Variants in PDE11A observed in about 807,000 individuals in gnomAD.
PDE11A encodes the protein dual 3',5'-cyclic-AMP and -GMP phosphodiesterase 11A.
Under a neutral mutation model 100.5 loss-of-function variants are expected in PDE11A, and 100 were observed. The observed-to-expected ratio is 1.00, with a 90% CI of 0.85 to 1.18. The LOEUF is 1.18. Among genes scored for constraint, PDE11A ranks in the 50% most tolerant of loss-of-function variants. The pLI, the probability that PDE11A is intolerant of heterozygous loss-of-function variation, is 0.00. For missense variants in PDE11A, 1,141 were observed against 1,152.6 expected (o/e 0.99, Z 0.15); for synonymous variants, 381 against 420.8 (o/e 0.91, Z 1.16).
chr2:177,686,392 T>A (rs1256886707), intron 15 of PDE11A, among the ~76,000 whole-genome samples: 1 of 152,106 alleles, frequency 6.6e-6, no homozygotes, highest in East Asian at 1.9e-4. Flanking sequence ...CAAAGTGGGA[T>A]TCCGTCTCTA....
intron 12 of PDE11A, among the ~76,000 whole-genome samples, chr2:177,716,872 C>T (rs1324428936): frequency 2.0e-5 from 3 of 152,004 alleles, no homozygotes; most frequent in Non-Finnish European, 4.4e-5. Flanking sequence ...ATCAAAATCC[C>T]CAGCCATTTT....
At chr2:177,751,120 G>T (rs1170572457) in intron 10 of PDE11A, among the ~76,000 whole-genome samples, 3 of 107,954 alleles carry the variant, frequency 2.8e-5, no homozygotes, top group African/African-American at 8.8e-5. Flanking sequence ...TAGAGTCATA[G>T]TGAGTAAGAA....
chr2:177,807,788 A>C (rs1371823041), intron 9 of PDE11A, among the ~76,000 whole-genome samples: 5 of 152,224 alleles, frequency 3.3e-5, no homozygotes, highest in African/African-American at 1.2e-4. Context: ...AGTATACAAG[A>C]ATCCTCAGAA....
chr2:177,715,120 T>C (rs2081417840), intron 12 of PDE11A, among the ~76,000 whole-genome samples: 1 of 152,242 alleles, frequency 6.6e-6, no homozygotes, highest in Admixed American at 6.5e-5. Flanking sequence ...AGTTGGTTGT[T>C]TTCGAGGATT....
At chr2:178,017,896 G>C (rs1371957864) in intron 1 of PDE11A, 1 of 152,566 alleles carries the variant, frequency 6.6e-6, no homozygotes, top group Non-Finnish European at 1.5e-5. Context: ...GGAGGTGGAG[G>C]TTGCAGTGAG....
intron 19 of PDE11A, among the ~76,000 whole-genome samples, chr2:177,643,110 G>A (rs568036917): frequency 2.0e-5 from 3 of 152,212 alleles, no homozygotes; most frequent in East Asian, 3.9e-4. Context: ...GTGTGAAAAC[G>A]GACCAATACA....
intron 10 of PDE11A, among the ~76,000 whole-genome samples, chr2:177,735,582 C>CA (rs1170855554): frequency 6.6e-6 from 1 of 152,180 alleles, no homozygotes; most frequent in Non-Finnish European, 1.5e-5. Flanking sequence ...AGTAGAGTTC[C>CA]AATCTCCCCT....
At chr2:177,714,032 C>T (rs1438095048) in intron 12 of PDE11A, among the ~76,000 whole-genome samples, 5 of 108,556 alleles carry the variant, frequency 4.6e-5, no homozygotes, top group African/African-American at 1.0e-4. Flanking sequence ...CTCTCTCTGT[C>T]GCCCAGGCTG....
chr2:178,058,377 T>C (rs1156320633), intron 1 of PDE11A, among the ~76,000 whole-genome samples: 1 of 152,212 alleles, frequency 6.6e-6, no homozygotes, highest in African/African-American at 2.4e-5. Flanking sequence ...GGGCAGATCT[T>C]TCCTGTGTTG....
chr2:177,740,606 C>A (rs1222891869), intron 10 of PDE11A, among the ~76,000 whole-genome samples: 1 of 152,212 alleles, frequency 6.6e-6, no homozygotes, highest in African/African-American at 2.4e-5. Flanking sequence ...AGAAATCAAT[C>A]CCAATGAATC....
intron 3 of PDE11A, among the ~76,000 whole-genome samples, chr2:177,898,691 A>C (rs777177112): frequency 2.0e-4 from 30 of 152,202 alleles, no homozygotes; most frequent in Non-Finnish European, 3.4e-4. Context: ...CTTCTCACAC[A>C]AGGACTCCAT....
At chr2:177,761,227 C>G (rs1016131647) in intron 10 of PDE11A, among the ~76,000 whole-genome samples, 2 of 152,086 alleles carry the variant, frequency 1.3e-5, no homozygotes, top group Non-Finnish European at 2.9e-5. Flanking sequence ...ACAAAGAAAA[C>G]GAATCCCTTT....
intron 4 of PDE11A, among the ~76,000 whole-genome samples, chr2:177,894,761 A>G (rs567931927): frequency 6.6e-6 from 1 of 152,308 alleles, no homozygotes; most frequent in South Asian, 2.1e-4. Flanking sequence ...TAGCATCCTT[A>G]TCTTAATTTA....
At chr2:177,889,088 C>T (rs1251498827) in intron 4 of PDE11A, among the ~76,000 whole-genome samples, 3 of 152,172 alleles carry the variant, frequency 2.0e-5, no homozygotes, top group Non-Finnish European at 4.4e-5. Context: ...CTTCTTAGAA[C>T]TACATTTGCT....
At chr2:177,775,892 C>T (rs1423496471) in intron 9 of PDE11A, among the ~76,000 whole-genome samples, 3 of 152,130 alleles carry the variant, frequency 2.0e-5, no homozygotes, top group African/African-American at 7.2e-5. Context: ...ACCTGCCTCC[C>T]CTACTAGACT....
At chr2:177,683,574 C>T (rs1323103727) in intron 15 of PDE11A, 1 of 152,262 alleles carries the variant, frequency 6.6e-6, no homozygotes, top group Non-Finnish European at 1.5e-5. Context: ...GAGCCTGGCC[C>T]CTTCTGTTCC....
chr2:177,732,717 C>A (rs2081711259), intron 10 of PDE11A, among the ~76,000 whole-genome samples: 1 of 152,142 alleles, frequency 6.6e-6, no homozygotes, highest in Non-Finnish European at 1.5e-5. Flanking sequence ...TGTAAAATGA[C>A]CTCTGGTTCA....
At chr2:178,083,707 G>A (rs2087314852) in intron 2 of PDE11A, among the ~76,000 whole-genome samples, 4 of 152,136 alleles carry the variant, frequency 2.6e-5, no homozygotes, top group Admixed American at 2.6e-4. Flanking sequence ...TACAAAATAA[G>A]TTTCCTAATA....
At position 177,645,028 on chromosome 2, in the gene PDE11A, C is replaced by G. The variant is rs374101732; in HGVS notation, c.2647-15466G>C. 7.9e-5 allele frequency among the ~76,000 whole-genome samples: 12 copies of G among 152,216 alleles called. No individual in the cohort carries two copies. In the East Asian group the frequency reaches 2.1e-3, roughly 27 times the overall value. On this transcript the variant is annotated intron_variant, in intron 19 of 19. Coordinates refer to ENST00000286063, the MANE Select transcript of PDE11A (RefSeq NM_016953.4). ...TTCTTTCTTTTGTAAATCAACCAGTCTTGGGTATGTCTTTATTAGCAGTGT... is the reference window on the plus strand; with the variant it reads ...TTCTTTCTTTTGTAAATCAACCAGTGTTGGGTATGTCTTTATTAGCAGTGT...
Sources: allele counts gnomAD v4.1 joint callset (sites outside exome capture counted in the v4.1 genomes callset), GRCh38; gene constraint gnomAD v4.1.1; transcripts MANE v1.5; gene names NCBI Gene and HGNC (gene_info 2026-07-23, HGNC 2026-07-21).